Variants in GHR observed in about 807,000 individuals in gnomAD.
GHR encodes the protein GH receptor.
GHR carries 35 observed loss-of-function variants against 67.1 expected under a neutral mutation model. The ratio of observed to expected loss-of-function variants is 0.52; its 90% CI spans 0.40 to 0.69. GHR has a LOEUF of 0.69. Ranked by LOEUF, GHR falls within the 30% of genes least tolerant of loss-of-function variation. The probability of loss-of-function intolerance (pLI) is 0.00; values close to 1 mark genes in which losing one functional copy is unlikely to be tolerated. For missense variants in GHR, 792 were observed against 764.6 expected (o/e 1.04, Z -0.42); for synonymous variants, 272 against 269.1 (o/e 1.01, Z -0.10).
intron 1 of GHR, among the ~76,000 whole-genome samples, chr5:42,440,846 G>A (rs552553923): frequency 2.6e-5 from 4 of 152,284 alleles, no homozygotes; most frequent in Non-Finnish European, 5.9e-5. Context: ...TACTGGTGAG[G>A]GATGTCATGG....
rs1348618461 is a variant in GHR, at chr5:42,701,352, C to A, written c.618+1350C>A. On this transcript the variant is annotated intron_variant, in intron 6 of 9. Coordinates refer to ENST00000230882, the MANE Select transcript of GHR (RefSeq NM_000163.5). ...GTAAAAATTGTTAATTTTACTAAAC[C>A]TCGACCTTTGAGTACATAGCTTATT... Among the ~76,000 whole-genome samples the A allele has an allele frequency of 2.0e-5, 3 of 152,090 alleles. No individual in the cohort carries two copies. The East Asian group carries it at 5.8e-4, about 29-fold the overall frequency.
intron 3 of GHR, among the ~76,000 whole-genome samples, chr5:42,668,978 T>C (rs1324428110): frequency 6.6e-6 from 1 of 152,192 alleles, no homozygotes; most frequent in East Asian, 1.9e-4. Flanking sequence ...AACATAGACT[T>C]AGGAATTTTA....
At chr5:42,702,638 G>T (rs929430073) in intron 6 of GHR, among the ~76,000 whole-genome samples, 4 of 151,784 alleles carry the variant, frequency 2.6e-5, no homozygotes, top group Non-Finnish European at 5.9e-5. Context: ...TCCATAGAGG[G>T]TATACTAATT....
chr5:42,475,973 C>T (rs1324124653), intron 1 of GHR, among the ~76,000 whole-genome samples: 5 of 149,912 alleles, frequency 3.3e-5, no homozygotes. Flanking sequence ...GGCGGGATCT[C>T]GGCTCACTGC....
At chr5:42,674,715 A>G (rs903823662) in intron 3 of GHR, among the ~76,000 whole-genome samples, 1 of 152,212 alleles carries the variant, frequency 6.6e-6, no homozygotes, top group Admixed American at 6.5e-5. Context: ...ACTTTATTAT[A>G]GGATTATACC....
chr5:42,436,858 A>T (rs1389488640), intron 1 of GHR, among the ~76,000 whole-genome samples: 1 of 152,212 alleles, frequency 6.6e-6, no homozygotes, highest in Non-Finnish European at 1.5e-5. Flanking sequence ...GATGTTCAAA[A>T]CTAGAAATTC....
At chr5:42,605,088 C>CTTTT (rs1439364062) in intron 2 of GHR, among the ~76,000 whole-genome samples, 5 of 135,804 alleles carry the variant, frequency 3.7e-5, no homozygotes, top group African/African-American at 1.5e-4. Flanking sequence ...TTTGTGGTGC[C>CTTTT]TCTTTTTTTT....
chr5:42,469,218 T>A (rs1238678764), intron 1 of GHR, among the ~76,000 whole-genome samples: 2 of 152,208 alleles, frequency 1.3e-5, no homozygotes, highest in African/African-American at 4.8e-5. Context: ...CTGGAATAGG[T>A]GGGTCCAGGG....
chr5:42,718,481 T>C lies in GHR; in HGVS notation c.974T>C (p.Ile325Thr). 1 of 1,611,546 alleles carries C rather than the reference T, an allele frequency of 6.2e-7. No individual in the cohort carries two copies. The highest frequency in any genetic ancestry group is 1.1e-5 in the South Asian group (1 of 91,056). Residue 325 changes from isoleucine (I) to threonine (T), a missense_variant, in exon 10 of 10, where the codon ATC (isoleucine) becomes ACC (threonine). Transcript: ENST00000230882. ...KEGKLEEVNTILAIHDSYKPE... is the reference protein window; with the variant it reads ...KEGKLEEVNTTLAIHDSYKPE... Reference sequence around the variant, plus strand: ...GGAAAATTAGAGGAGGTGAACACAATCTTAGCCATTCATGATAGCTATAAA... The same window carrying C: ...GGAAAATTAGAGGAGGTGAACACAACCTTAGCCATTCATGATAGCTATAAA...
At chr5:42,570,924 T>C (rs191097849) in intron 2 of GHR, among the ~76,000 whole-genome samples, 32 of 152,212 alleles carry the variant, frequency 2.1e-4, no homozygotes, top group Non-Finnish European at 3.7e-4. Flanking sequence ...AGAGAGATAA[T>C]CTAAGTGTGA....
intron 3 of GHR, among the ~76,000 whole-genome samples, chr5:42,676,708 A>G (rs1756591519): frequency 6.6e-6 from 1 of 152,218 alleles, no homozygotes; most frequent in Admixed American, 6.5e-5. Context: ...CTCTTTTACC[A>G]TATTTTGATA....
intron 2 of GHR, among the ~76,000 whole-genome samples, chr5:42,566,446 G>T (rs1423468726): frequency 6.6e-6 from 1 of 152,226 alleles, no homozygotes; most frequent in African/African-American, 2.4e-5. Flanking sequence ...TGAGGAAAGA[G>T]ACACCTGAAA....
At chr5:42,502,946 G>A (rs987609230) in intron 1 of GHR, among the ~76,000 whole-genome samples, 7 of 151,890 alleles carry the variant, frequency 4.6e-5, no homozygotes, top group Non-Finnish European at 1.0e-4. Context: ...AAATTATCAG[G>A]TTCAGTGTTT....
At chr5:42,574,584 G>A (rs922548921) in intron 2 of GHR, among the ~76,000 whole-genome samples, 5 of 152,122 alleles carry the variant, frequency 3.3e-5, no homozygotes, top group African/African-American at 1.2e-4. Flanking sequence ...GGGTGTGAAA[G>A]GCAAAAGTAT....
At position 42,615,411 on chromosome 5, in the gene GHR, T is replaced by C. The variant is rs533783219; in HGVS notation, c.71-13627T>C. Among the ~76,000 whole-genome samples the C allele has an allele frequency of 1.7e-3, 263 of 152,204 alleles. 1 individual carries two copies. The highest frequency in any genetic ancestry group is 6.1e-3 in the African/African-American group (254 of 41,558). On this transcript the variant is annotated intron_variant, in intron 2 of 9. Coordinates refer to ENST00000230882, the MANE Select transcript of GHR (RefSeq NM_000163.5). ...TCTGTTGTTAGTTTTGCTCCCTGAC[T>C]AGATTGTAACTTCTAAGCTCAGGAA...
chr5:42,491,764 T>G (rs1746126622), intron 1 of GHR, among the ~76,000 whole-genome samples: 1 of 152,194 alleles, frequency 6.6e-6, no homozygotes, highest in Non-Finnish European at 1.5e-5. Context: ...TGAGGAAGTC[T>G]GCTGTCCAAG....
intron 3 of GHR, among the ~76,000 whole-genome samples, chr5:42,659,904 C>G (rs924780334): frequency 6.6e-6 from 1 of 152,132 alleles, no homozygotes; most frequent in Non-Finnish European, 1.5e-5. Context: ...CACTCCCACC[C>G]TAATACTGCG....
chr5:42,472,249 A>G (rs1222362991), intron 1 of GHR, among the ~76,000 whole-genome samples: 2 of 152,226 alleles, frequency 1.3e-5, no homozygotes, highest in East Asian at 3.8e-4. Flanking sequence ...ACTTCTACTT[A>G]GAGAATCTGG....
intron 3 of GHR, among the ~76,000 whole-genome samples, chr5:42,688,508 A>T (rs1265214650): frequency 6.6e-6 from 1 of 152,196 alleles, no homozygotes; most frequent in East Asian, 1.9e-4. Context: ...AGCTCAGAAC[A>T]CACACATATT....
Sources: allele counts gnomAD v4.1 joint callset (sites outside exome capture counted in the v4.1 genomes callset), GRCh38; gene constraint gnomAD v4.1.1; transcripts MANE v1.5; gene names NCBI Gene and HGNC (gene_info 2026-07-23, HGNC 2026-07-21).